The following FRZB variants were observed in gnomAD, a reference collection of about 807,000 sequenced individuals.
FRZB encodes the protein frizzled related protein.
FRZB carries 34 observed loss-of-function variants against 32.5 expected under a neutral mutation model. The observed-to-expected ratio is 1.05, with a 90% CI of 0.80 to 1.39. The LOEUF (loss-of-function observed/expected upper bound fraction) is 1.39. Among genes scored for constraint, FRZB ranks in the 40% most tolerant of loss-of-function variants. The pLI is 0.00. For synonymous variants in FRZB, 170 were observed against 159.2 expected (o/e 1.07, Z -0.51); for missense variants, 423 against 424.8 (o/e 1.00, Z 0.04).
At chr2:182,851,593 T>C (rs1574986370) in intron 2 of FRZB, among the ~76,000 whole-genome samples, 1 of 148,036 alleles carries the variant, frequency 6.8e-6, no homozygotes, top group Non-Finnish European at 1.5e-5. Context: ...GACATGGAGG[T>C]TGCAGTGAGC....
rs1274360855 is a variant in FRZB, at chr2:182,866,265, G to T, written c.288C>A (p.Cys96Ter). 1 of 1,614,242 alleles carries T rather than the reference G, an allele frequency of 6.2e-7. No homozygotes were observed. Among genetic ancestry groups the T allele is most frequent in the Non-Finnish European group, 8.5e-7 (1 of 1,180,036 alleles). ...TGGGCTCGTGCTGGAAGTCAATGGT[G>T]CAGATGGGCGCGTACATGGCACAGA... ...FFLCAMYAPICTIDFQHEPIK... is the reference protein window; with the variant it reads ...FFLCAMYAPI Residue 96 changes from cysteine (C) to a stop codon, truncating the protein, a stop_gained, in exon 1 of 6, where the codon TGC (cysteine) becomes TGA (stop). Transcript: ENST00000295113. LOFTEE classifies it high-confidence loss of function. This position sits in a 1 kb window ranked among gnomAD's most constrained non-coding sequence, Gnocchi z 4.5.
In FRZB at chr2:182,863,459, C is replaced by G. The variant is rs142182455; in HGVS notation, c.478+2616G>C. On this transcript the variant is annotated intron_variant, in intron 1 of 5. Coordinates refer to ENST00000295113, the MANE Select transcript of FRZB (RefSeq NM_001463.4). ...GCAAAAAGTAGTTTCAAGCATTACTCCATTTCAGTAAGACTGCTTTGTAAA... is the reference window on the plus strand; with the variant it reads ...GCAAAAAGTAGTTTCAAGCATTACTGCATTTCAGTAAGACTGCTTTGTAAA... Among the ~76,000 whole-genome samples the G allele has an allele frequency of 6.8e-4, 104 of 152,330 alleles. 1 individual carries two copies. The highest frequency in any genetic ancestry group is 2.5e-3 in the African/African-American group (103 of 41,572).
At chr2:182,852,036 G>C (rs1695715861) in intron 2 of FRZB, among the ~76,000 whole-genome samples, 1 of 152,180 alleles carries the variant, frequency 6.6e-6, no homozygotes, top group African/African-American at 2.4e-5. Context: ...ATAGTTTTAA[G>C]CTACTGTAAA....
At chr2:182,839,351 G>A (rs1167773371) in intron 3 of FRZB, among the ~76,000 whole-genome samples, 1 of 151,664 alleles carries the variant, frequency 6.6e-6, no homozygotes, top group Non-Finnish European at 1.5e-5. Flanking sequence ...CTCTAAGTGG[G>A]CTATATTTAC....
At position 182,834,726 on chromosome 2, in the gene FRZB, CA is replaced by C; in HGVS notation, c.*122del. The C allele has an allele frequency of 5.4e-6, 4 of 741,170 alleles. No individual in the cohort carries two copies. Among genetic ancestry groups the C allele is most frequent in the Middle Eastern group, 2.4e-4 (1 of 4,212 alleles). 45.9% of individuals were successfully genotyped at this position (741,170 alleles called of 1,614,324 possible). On this transcript the variant is annotated 3_prime_UTR_variant, in exon 6 of 6. Transcript: ENST00000295113. ...AGAAACAGAAGTAATAATCAGTTATCACATGATTTTTATAGTAAACAATAGA... is the reference window on the plus strand; with the variant it reads ...AGAAACAGAAGTAATAATCAGTTATCCATGATTTTTATAGTAAACAATAGA...
At chr2:182,863,354 T>C (rs562726899) in intron 1 of FRZB, among the ~76,000 whole-genome samples, 3 of 152,218 alleles carry the variant, frequency 2.0e-5, no homozygotes, top group African/African-American at 7.2e-5. Context: ...TATGCAAATA[T>C]AAAATGTGTA....
intron 2 of FRZB, 32 bp downstream of exon 2, chr2:182,858,754 A>G (rs975997415): frequency 6.4e-7 from 1 of 1,559,932 alleles, no homozygotes; most frequent in Non-Finnish European, 8.8e-7. Context: ...TCTGACCACA[A>G]ATGAAAACCA....
chr2:182,838,312 C>T, intron 4 of FRZB, 97 bp downstream of exon 4: 2 of 1,019,584 alleles, frequency 2.0e-6, no homozygotes, highest in South Asian at 1.5e-5. Context: ...GTAGACAGAT[C>T]CCAATGTAAA....
intron 3 of FRZB, among the ~76,000 whole-genome samples, chr2:182,839,811 C>T (rs1318401127): frequency 2.0e-5 from 3 of 151,992 alleles, no homozygotes; most frequent in Admixed American, 6.6e-5. Context: ...AGGAAAACAC[C>T]GTTTATCCAA....
At chr2:182,844,000 T>C (rs1292321243) in intron 2 of FRZB, among the ~76,000 whole-genome samples, 1 of 152,200 alleles carries the variant, frequency 6.6e-6, no homozygotes, top group Non-Finnish European at 1.5e-5. Context: ...GTTGACCACT[T>C]GTATTTTCTA....
intron 1 of FRZB, among the ~76,000 whole-genome samples, chr2:182,860,907 C>T (rs961006198): frequency 1.3e-5 from 2 of 149,516 alleles, no homozygotes; most frequent in Non-Finnish European, 3.0e-5. Flanking sequence ...GCCTGGACTA[C>T]TAAGGTATGG....
At chr2:182,855,141 A>C (rs1431266522) in intron 2 of FRZB, among the ~76,000 whole-genome samples, 1 of 152,220 alleles carries the variant, frequency 6.6e-6, no homozygotes, top group Admixed American at 6.5e-5. Context: ...GACCAGTCAG[A>C]ATTTGCAGCC....
chr2:182,852,026 A>G (rs1288838210), intron 2 of FRZB, among the ~76,000 whole-genome samples: 1 of 152,342 alleles, frequency 6.6e-6, no homozygotes, highest in East Asian at 1.9e-4. Flanking sequence ...AAAAAATCCT[A>G]TAGTTTTAAG....
In FRZB at chr2:182,866,046, AG is replaced by A; in HGVS notation, c.478+28del. ...CAAGAATTGAGGAGGCTGTAGGGTA[AG>A]GGAAGGGTGGGCCGTGTCAAAACTC... On this transcript the variant is annotated intron_variant, in intron 1 of 5. Transcript: ENST00000295113. The surrounding 1 kb of genome is among the most constrained non-coding windows in gnomAD (Gnocchi z 4.5). 6.4e-7 allele frequency: 1 copy of A among 1,551,108 alleles called. No homozygotes were observed. Among genetic ancestry groups the A allele is most frequent in the Non-Finnish European group, 8.8e-7 (1 of 1,131,968 alleles).
chr2:182,860,025 AG>A (rs1695813868), intron 1 of FRZB, among the ~76,000 whole-genome samples: 3 of 152,336 alleles, frequency 2.0e-5, no homozygotes, highest in Admixed American at 2.0e-4. Context: ...GTCTTCATAA[AG>A]GAAGAAATTA....
rs1695488544 is a variant in FRZB, at chr2:182,833,550, A to G, written c.*1299T>C. ...AGTCAACAAATTGTTAAATTGAAGC[A>G]TTGTAAATTGAATCATTGTAAGCTA... is the stretch of plus-strand genomic sequence containing the variant. On this transcript the variant is annotated 3_prime_UTR_variant, in exon 6 of 6. Coordinates refer to ENST00000295113, the MANE Select transcript of FRZB (RefSeq NM_001463.4). 1 of 152,200 alleles carries G rather than the reference A, an allele frequency of 6.6e-6. No individual in the cohort carries two copies. Among genetic ancestry groups the G allele is most frequent in the Admixed American group, 6.5e-5 (1 of 15,274 alleles). 9.4% of individuals were successfully genotyped at this position (152,200 alleles called of 1,614,324 possible).
At chr2:182,844,234 G>A (rs1695615826) in intron 2 of FRZB, among the ~76,000 whole-genome samples, 1 of 152,088 alleles carries the variant, frequency 6.6e-6, no homozygotes, top group African/African-American at 2.4e-5. Context: ...CAATTTCTGT[G>A]AAGATCTCAG....
At chr2:182,860,819 A>G (rs1029029054) in intron 1 of FRZB, among the ~76,000 whole-genome samples, 4 of 150,200 alleles carry the variant, frequency 2.7e-5, no homozygotes, top group Non-Finnish European at 5.9e-5. Context: ...GTGAGCAGAG[A>G]TCACGCCACT....
intron 2 of FRZB, among the ~76,000 whole-genome samples, chr2:182,855,405 T>C (rs1695757484): frequency 6.6e-6 from 1 of 152,120 alleles, no homozygotes; most frequent in Non-Finnish European, 1.5e-5. Context: ...TGAATACCCT[T>C]GAAATAAATG....
Sources: allele counts gnomAD v4.1 joint callset (sites outside exome capture counted in the v4.1 genomes callset), GRCh38; gene constraint gnomAD v4.1.1; non-coding constraint Gnocchi (gnomAD v3.1); transcripts MANE v1.5; gene names NCBI Gene and HGNC (gene_info 2026-07-23, HGNC 2026-07-21).